Variants in CCDC192 observed in about 807,000 individuals in gnomAD.
CCDC192 encodes coiled-coil domain containing 192.
At chr5:127,749,680 A>G (rs867813653) in intron 2 of CCDC192, among the ~76,000 whole-genome samples, 2 of 152,122 alleles carry the variant, frequency 1.3e-5, no homozygotes, top group South Asian at 2.1e-4. Context: ...ATAGTTTCAG[A>G]AGGAATGGTA....
intron 2 of CCDC192, among the ~76,000 whole-genome samples, chr5:127,722,826 T>C (rs937318822): frequency 1.3e-5 from 2 of 152,246 alleles, no homozygotes; most frequent in Admixed American, 1.3e-4. Flanking sequence ...GTTTTCATTT[T>C]TGTGCCAGTA....
intron 2 of CCDC192, among the ~76,000 whole-genome samples, chr5:127,713,033 G>T (rs1002292295): frequency 1.2e-4 from 18 of 152,122 alleles, no homozygotes; most frequent in Non-Finnish European, 2.2e-4. Context: ...TCGGGAGTTC[G>T]AGACCAGCCT....
At position 127,721,866 on chromosome 5, in the gene CCDC192, A is replaced by T. The variant is rs1752046827; in HGVS notation, c.114+14106A>T. Among the ~76,000 whole-genome samples the T allele has an allele frequency of 3.9e-5, 6 of 152,078 alleles. No individual in the cohort carries two copies. In the South Asian group the frequency reaches 1.2e-3, roughly 32 times the overall value. On this transcript the variant is annotated intron_variant, in intron 2 of 6. Coordinates refer to ENST00000514853, the MANE Select transcript of CCDC192 (RefSeq NM_001317938.2). Reference sequence around the variant, plus strand: ...AAGAGAGAAAGCGGGGAGGTGCCACACACTTTTAAACAACCAGATCTCATG... The same window carrying T: ...AAGAGAGAAAGCGGGGAGGTGCCACTCACTTTTAAACAACCAGATCTCATG...
chr5:127,767,499 C>A (rs1029335761), intron 3 of CCDC192, among the ~76,000 whole-genome samples: 1 of 152,132 alleles, frequency 6.6e-6, no homozygotes, highest in Non-Finnish European at 1.5e-5. Flanking sequence ...TACTTTATGT[C>A]CAATCTCATG....
At chr5:127,803,752 A>T (rs758025738) in intron 5 of CCDC192, among the ~76,000 whole-genome samples, 34 of 152,140 alleles carry the variant, frequency 2.2e-4, no homozygotes, top group Non-Finnish European at 3.8e-4. Context: ...CCTGACCAGG[A>T]CCAAAAGCTC....
intron 2 of CCDC192, among the ~76,000 whole-genome samples, chr5:127,715,917 G>A (rs1339312923): frequency 6.6e-6 from 1 of 152,082 alleles, no homozygotes; most frequent in Non-Finnish European, 1.5e-5. Flanking sequence ...TTTGACTAGG[G>A]CTTCCAGTAC....
intron 5 of CCDC192, among the ~76,000 whole-genome samples, chr5:127,865,621 A>G (rs530298588): frequency 6.7e-6 from 1 of 150,164 alleles, no homozygotes; most frequent in South Asian, 2.2e-4. Context: ...TTTTCTTATC[A>G]TCAAATCGAC....
chr5:127,792,343 T>G (rs1756911348), intron 3 of CCDC192, among the ~76,000 whole-genome samples: 1 of 152,040 alleles, frequency 6.6e-6, no homozygotes, highest in East Asian at 1.9e-4. Context: ...GGGGAGAAAG[T>G]CCCTTATAAA....
At chr5:127,831,439 C>T (rs1253584408) in intron 5 of CCDC192, among the ~76,000 whole-genome samples, 1 of 151,858 alleles carries the variant, frequency 6.6e-6, no homozygotes, top group African/African-American at 2.4e-5. Context: ...ATTAACAACC[C>T]ATGTTGCATA....
rs559334240 is a variant in CCDC192, at chr5:127,715,995, T to C, written c.114+8235T>C. Among the ~76,000 whole-genome samples, 62 of 152,348 alleles carry C rather than the reference T, an allele frequency of 4.1e-4. 1 individual carries two copies. Among genetic ancestry groups the C allele is most frequent in the Non-Finnish European group, 7.9e-4 (54 of 68,032 alleles). On this transcript the variant is annotated intron_variant, in intron 2 of 6. Coordinates refer to ENST00000514853, the MANE Select transcript of CCDC192 (RefSeq NM_001317938.2). ...GATTTTAGTAAAAATGTTTTCAACTTTTCTCCATTCAGTATATTAGATATG... is the reference window on the plus strand; with the variant it reads ...GATTTTAGTAAAAATGTTTTCAACTCTTCTCCATTCAGTATATTAGATATG...
chr5:127,856,727 T>C (rs995241097), intron 5 of CCDC192, among the ~76,000 whole-genome samples: 5 of 152,174 alleles, frequency 3.3e-5, no homozygotes, highest in African/African-American at 9.7e-5. Context: ...TCTCAGGGAA[T>C]AGGGAAATCC....
At chr5:127,814,014 C>T (rs773529327) in intron 5 of CCDC192, among the ~76,000 whole-genome samples, 6 of 152,150 alleles carry the variant, frequency 3.9e-5, no homozygotes, top group Non-Finnish European at 7.4e-5. Flanking sequence ...GTTTCTCATC[C>T]TTCAGGCTTA....
chr5:127,829,001 A>C (rs1749666183), intron 5 of CCDC192, among the ~76,000 whole-genome samples: 1 of 152,166 alleles, frequency 6.6e-6, no homozygotes, highest in Non-Finnish European at 1.5e-5. Context: ...GGTTGGGGGC[A>C]GATATTGGCT....
chr5:127,937,469 G>A (rs1754217515), intron 6 of CCDC192, among the ~76,000 whole-genome samples: 1 of 152,182 alleles, frequency 6.6e-6, no homozygotes, highest in Non-Finnish European at 1.5e-5. Context: ...ATATGAGAGA[G>A]GTTTTGGTCT....
chr5:127,925,548 C>T (rs1753839256), intron 6 of CCDC192, among the ~76,000 whole-genome samples: 1 of 152,062 alleles, frequency 6.6e-6, no homozygotes. Flanking sequence ...TGTTTTATTA[C>T]AGTAAAATTT....
chr5:127,749,831 T>A (rs1269265788), intron 2 of CCDC192, among the ~76,000 whole-genome samples: 3 of 152,196 alleles, frequency 2.0e-5, no homozygotes, highest in Admixed American at 2.0e-4. Flanking sequence ...TTCTTCCTGG[T>A]TTAGTCTTGG....
At chr5:127,710,231 C>A (rs1476893822) in intron 2 of CCDC192, among the ~76,000 whole-genome samples, 1 of 152,176 alleles carries the variant, frequency 6.6e-6, no homozygotes, top group Non-Finnish European at 1.5e-5. Flanking sequence ...CTGCCTTCTT[C>A]CACAACGCAG....
intron 5 of CCDC192, among the ~76,000 whole-genome samples, chr5:127,875,249 C>G (rs1438739777): frequency 6.6e-6 from 1 of 152,186 alleles, no homozygotes; most frequent in Non-Finnish European, 1.5e-5. Flanking sequence ...GTTCTTCTAA[C>G]TGCCTCTATT....
At position 127,707,770 on chromosome 5, in the gene CCDC192, G is replaced by A; in HGVS notation, c.114+10G>A. 1 of 398,360 alleles carries A rather than the reference G, an allele frequency of 2.5e-6. No individual in the cohort carries two copies. The highest frequency in any genetic ancestry group is 4.4e-5 in the Admixed American group (1 of 22,706). The allele number at this position is 398,360 out of a possible 1,614,324, so 24.7% of individuals were successfully genotyped here. ...AGAAAACAAAGTATCGGTAAGAAAT[G>A]AAGTTTGTATGAATTCTTTATTTAA... On this transcript the variant is annotated intron_variant, in intron 2 of 6. Coordinates refer to ENST00000514853, the MANE Select transcript of CCDC192 (RefSeq NM_001317938.2).
Sources: allele counts gnomAD v4.1 joint callset (sites outside exome capture counted in the v4.1 genomes callset), GRCh38; gene constraint gnomAD v4.1.1; transcripts MANE v1.5; gene names NCBI Gene and HGNC (gene_info 2026-07-23, HGNC 2026-07-21).